Variants in DENND1A observed in about 807,000 individuals in gnomAD.
The protein encoded by DENND1A is DENN domain-containing protein 1A.
A neutral mutation model predicts 113.7 loss-of-function variants in DENND1A; 51 were observed. The observed-to-expected ratio is 0.45, with a 90% CI of 0.36 to 0.57. The LOEUF (loss-of-function observed/expected upper bound fraction) is 0.57. DENND1A is among the 20% of genes least tolerant of loss of function. DENND1A has a pLI of 0.00. For missense variants in DENND1A, 1,258 were observed against 1,395.9 expected, an observed-to-expected ratio of 0.90 and a Z score of 1.57; for synonymous variants, 565 against 570.8, an observed-to-expected ratio of 0.99 and a Z score of 0.14.
intron 4 of DENND1A, among the ~76,000 whole-genome samples, chr9:123,760,112 A>T (rs1420630368): frequency 6.6e-6 from 1 of 152,240 alleles, no homozygotes; most frequent in Non-Finnish European, 1.5e-5. Flanking sequence ...ATCAACTCAT[A>T]TTGTATTTTA....
At chr9:123,793,154 G>A (rs1442479639) in intron 2 of DENND1A, among the ~76,000 whole-genome samples, 1 of 152,130 alleles carries the variant, frequency 6.6e-6, no homozygotes. Context: ...AGATAAAACT[G>A]GATGGAAGTT....
chr9:123,552,024 A>AGAGCGAGAGC (rs2057097782), intron 13 of DENND1A, among the ~76,000 whole-genome samples: 2 of 142,336 alleles, frequency 1.4e-5, no homozygotes, highest in African/African-American at 5.5e-5. Context: ...AGAGCGAGAG[A>AGAGCGAGAGC]GAGAGAGAGA....
chr9:123,849,424 G>T (rs1259154360), intron 2 of DENND1A, among the ~76,000 whole-genome samples: 1 of 152,026 alleles, frequency 6.6e-6, no homozygotes, highest in East Asian at 1.9e-4. Flanking sequence ...AATTATTCTG[G>T]TTTTTGCCAT....
chr9:123,507,748 T>TG (rs1411985251), intron 13 of DENND1A, among the ~76,000 whole-genome samples: 2 of 150,696 alleles, frequency 1.3e-5, no homozygotes, highest in Non-Finnish European at 2.9e-5. Flanking sequence ...CTCAGCTACT[T>TG]GGGGGGCTGA....
At chr9:123,393,686 G>A (rs2042970168) in intron 21 of DENND1A, among the ~76,000 whole-genome samples, 1 of 152,216 alleles carries the variant, frequency 6.6e-6, no homozygotes, top group African/African-American at 2.4e-5. Flanking sequence ...TGTTCTCAGG[G>A]AGGAAGCAAT....
In DENND1A at chr9:123,926,826, G is replaced by A. The variant is rs369772346; in HGVS notation, c.17+3063C>T. Among the ~76,000 whole-genome samples, 69 of 152,142 alleles carry A rather than the reference G, an allele frequency of 4.5e-4. 1 individual carries two copies. Among genetic ancestry groups the A allele is most frequent in the African/African-American group, 1.6e-3 (68 of 41,530 alleles). ...ACACAGGGAACTCAAAGATAAATAA[G>A]ACAGTCCTTCCTCTCAAGAAGTTTA... On this transcript the variant is annotated intron_variant, in intron 1 of 23. Transcript: ENST00000394215.
intron 2 of DENND1A, among the ~76,000 whole-genome samples, chr9:123,794,949 G>A (rs1019687552): frequency 6.6e-6 from 1 of 151,992 alleles, no homozygotes; most frequent in African/African-American, 2.4e-5. Context: ...CAATATAAAC[G>A]CCATCAATTA....
chr9:123,382,051 G>T lies in DENND1A; in HGVS notation c.2594C>A (p.Thr865Asn). The change falls in exon 24 of 24, where the codon ACC becomes AAC. Residue 865 changes from threonine to asparagine, a missense_variant. Coordinates refer to ENST00000394215, the MANE Select transcript of DENND1A (RefSeq NM_001352964.2). The part of the protein sequence containing the change: ...SGSTLPSRPA[T>N]PNVATPFTPQ... ...GGTGAATGGGGTGGCTACATTCGGG[G>T]TGGCGGGGCGTGACGGGAGGGTGCT... 6.7e-7 allele frequency: 1 copy of T among 1,498,218 alleles called. No individual in the cohort carries two copies. Among genetic ancestry groups the T allele is most frequent in the Non-Finnish European group, 8.9e-7 (1 of 1,126,362 alleles). The allele number at this position is 1,498,218 out of a possible 1,614,324, so 92.8% of individuals were successfully genotyped here.
chr9:123,743,691 A>G (rs1239885200), intron 5 of DENND1A, among the ~76,000 whole-genome samples: 3 of 151,822 alleles, frequency 2.0e-5, no homozygotes, highest in African/African-American at 7.2e-5. Context: ...GAGACCACGC[A>G]ATTGCACTTC....
chr9:123,473,691 A>G (rs1194966214), intron 13 of DENND1A, among the ~76,000 whole-genome samples: 3 of 152,020 alleles, frequency 2.0e-5, no homozygotes, highest in African/African-American at 7.2e-5. Context: ...GACCACCACA[A>G]CTTTCGGCCT....
At chr9:123,529,050 G>C (rs1450905622) in intron 13 of DENND1A, among the ~76,000 whole-genome samples, 2 of 152,018 alleles carry the variant, frequency 1.3e-5, no homozygotes, top group Non-Finnish European at 2.9e-5. Context: ...TCATCATATT[G>C]CATTGCAACT....
At chr9:123,417,685 G>A (rs1416891684) in intron 19 of DENND1A, among the ~76,000 whole-genome samples, 1 of 152,224 alleles carries the variant, frequency 6.6e-6, no homozygotes, top group Non-Finnish European at 1.5e-5. Context: ...AGGCTGATGA[G>A]AGAGTAACTG....
chr9:123,928,706 G>A (rs1373375488), intron 1 of DENND1A: 1 of 985,382 alleles, frequency 1.0e-6, no homozygotes, highest in Non-Finnish European at 1.2e-6. Context: ...TGCAAGGCTG[G>A]GCAAGGGTCA....
At chr9:123,730,807 A>G (rs547718522) in intron 5 of DENND1A, among the ~76,000 whole-genome samples, 1 of 152,174 alleles carries the variant, frequency 6.6e-6, no homozygotes, top group Admixed American at 6.6e-5. Context: ...ACATGCACAC[A>G]TATATTTATT....
intron 2 of DENND1A, among the ~76,000 whole-genome samples, chr9:123,864,879 C>A (rs909304642): frequency 6.6e-6 from 1 of 152,176 alleles, no homozygotes; most frequent in South Asian, 2.1e-4. Context: ...CAAATACACA[C>A]TGAGTGCCTA....
chr9:123,610,577 G>A (rs752226900), intron 10 of DENND1A, among the ~76,000 whole-genome samples: 5 of 152,212 alleles, frequency 3.3e-5, no homozygotes, highest in Non-Finnish European at 7.3e-5. Context: ...AAGGGATAGC[G>A]AGGAAGGGTG....
At chr9:123,926,256 T>C (rs888209013) in intron 1 of DENND1A, among the ~76,000 whole-genome samples, 2 of 152,190 alleles carry the variant, frequency 1.3e-5, no homozygotes, top group Non-Finnish European at 2.9e-5. Context: ...GGCAAGACAA[T>C]GTTCCTTTAT....
intron 5 of DENND1A, among the ~76,000 whole-genome samples, chr9:123,754,275 G>T (rs1225519663): frequency 6.6e-6 from 1 of 152,150 alleles, no homozygotes; most frequent in Non-Finnish European, 1.5e-5. Context: ...CCACTCCCCA[G>T]TGGATACACC....
chr9:123,404,179 G>A (rs1265800614), intron 20 of DENND1A, among the ~76,000 whole-genome samples: 1 of 152,186 alleles, frequency 6.6e-6, no homozygotes, highest in African/African-American at 2.4e-5. Flanking sequence ...AGCTGCTGCA[G>A]CAGCGGGATG....
Sources: gnomAD v4.1 joint callset for allele counts (sites outside exome capture counted in the v4.1 genomes callset) on GRCh38, gnomAD v4.1.1 for gene constraint, MANE v1.5 for transcripts, NCBI Gene and HGNC (gene_info 2026-07-23, HGNC 2026-07-21) for gene names.